Variants in HROB observed in about 807,000 individuals in gnomAD.
HROB encodes the protein homologous recombination factor with OB-fold.
A neutral mutation model predicts 61.0 loss-of-function variants in HROB; 44 were observed. The observed-to-expected ratio is 0.72, with a 90% confidence interval of 0.57 to 0.93. The LOEUF (loss-of-function observed/expected upper bound fraction) is 0.93. HROB is among the 40% of genes least tolerant of loss of function. The probability of loss-of-function intolerance (pLI) is 0.00; values close to 1 mark genes in which losing one functional copy is unlikely to be tolerated. For synonymous variants in HROB, 301 were observed against 310.4 expected, an observed-to-expected ratio of 0.97 and a Z score of 0.32; for missense variants, 716 against 796.2, an observed-to-expected ratio of 0.90 and a Z score of 1.21.
intron 9 of HROB, among the ~76,000 whole-genome samples, chr17:44,160,361 A>C (rs548393197): frequency 6.6e-6 from 1 of 152,236 alleles, no homozygotes; most frequent in East Asian, 1.9e-4. Context: ...AGGTCAGGAG[A>C]TCGAGACCAT....
At chr17:44,160,792 A>C (rs567282602) in intron 9 of HROB, among the ~76,000 whole-genome samples, 1 of 152,226 alleles carries the variant, frequency 6.6e-6, no homozygotes, top group East Asian at 1.9e-4. Flanking sequence ...GTGAAAAAGC[A>C]TATGTCTCTT....
chr17:44,159,703 G>A (rs2054075887), intron 9 of HROB, among the ~76,000 whole-genome samples: 1 of 152,232 alleles, frequency 6.6e-6, no homozygotes, highest in Non-Finnish European at 1.5e-5. Context: ...TCCCTTTGTG[G>A]TAGCTGAAGC....
chr17:44,153,109 C>G (rs1198972684), intron 5 of HROB, among the ~76,000 whole-genome samples: 1 of 152,100 alleles, frequency 6.6e-6, no homozygotes, highest in East Asian at 1.9e-4. Flanking sequence ...CCAACATATC[C>G]CTGCCTGTGA....
chr17:44,157,662 G>A (rs533958454), intron 8 of HROB, among the ~76,000 whole-genome samples, 171 bp from the exon 9 acceptor site: 4 of 152,078 alleles, frequency 2.6e-5, no homozygotes, highest in South Asian at 2.1e-4. Context: ...TGATTCACCC[G>A]CCTCGGCCTC....
intron 7 of HROB, 51 bp downstream of exon 7, chr17:44,154,989 G>A (rs1422740593): frequency 6.3e-7 from 1 of 1,577,390 alleles, no homozygotes; most frequent in Non-Finnish European, 8.6e-7. Context: ...AGCCCTCAGT[G>A]TCTGTCTCCT....
At chr17:44,159,530 A>G (rs754523848) in intron 9 of HROB, among the ~76,000 whole-genome samples, 28 of 152,202 alleles carry the variant, frequency 1.8e-4, no homozygotes, top group Non-Finnish European at 3.1e-4. Flanking sequence ...AGCTGGGCCC[A>G]AGGGGCCACT....
intron 3 of HROB, among the ~76,000 whole-genome samples, chr17:44,150,344 G>C (rs1346051739): frequency 6.6e-6 from 1 of 151,932 alleles, no homozygotes; most frequent in African/African-American, 2.4e-5. Flanking sequence ...CTTGGGGAAA[G>C]CTGCCCCTTT....
At chr17:44,152,591 A>G (rs749713759) in intron 4 of HROB, 46 bp from the exon 5 acceptor site, 68 of 1,600,538 alleles carry the variant, frequency 4.2e-5, no homozygotes, top group Non-Finnish European at 5.5e-5. Context: ...GTCTGTAGCA[A>G]GGTAGACCTA....
intron 4 of HROB, 37 bp from the exon 5 acceptor site, chr17:44,152,600 T>C (rs769033362): frequency 1.2e-6 from 2 of 1,607,522 alleles, no homozygotes; most frequent in South Asian, 2.2e-5. Context: ...AAGGTAGACC[T>C]ATTCATACAG....
At position 44,142,057 on chromosome 17, in the gene HROB, C is replaced by T; in HGVS notation, c.-86C>T. 1.3e-6 allele frequency: 2 copies of T among 1,498,616 alleles called. No individual in the cohort carries two copies. Among genetic ancestry groups the T allele is most frequent in the South Asian group, 1.2e-5 (1 of 83,134 alleles). The allele number at this position is 1,498,616 out of a possible 1,614,324, so 92.8% of individuals were successfully genotyped here. A position where few individuals can be genotyped will look rare whatever the true frequency, so the allele number is the denominator to read the frequency against. ...ACTGTCCCTCGGAGTCCGAGACTTC[C>T]ACCTGGGTCGTGTCCAAGGCCCCGG... On this transcript the variant is annotated 5_prime_UTR_variant, in exon 1 of 10. Coordinates refer to ENST00000585683, the MANE Select transcript of HROB (RefSeq NM_001171251.3).
In HROB at chr17:44,149,009, T is replaced by C; in HGVS notation, c.1206T>C (p.Ala402=). 1 of 1,613,742 alleles carries C rather than the reference T, an allele frequency of 6.2e-7. No homozygotes were observed. The highest frequency in any genetic ancestry group is 1.7e-5 in the Admixed American group (1 of 60,000). The stretch of plus-strand genomic sequence containing the variant: ...AAACTCGCCGTTTCCCTGGCCCAGC[T>C]GGGATCCTGCCTCACCAGGTGAGTG... ...RAKTRRFPGP[A]GILPHQQSGR... Residue 402 remains alanine, a synonymous_variant, in exon 3 of 10, where the codon GCT becomes GCC. Coordinates refer to ENST00000585683, the MANE Select transcript of HROB (RefSeq NM_001171251.3).
At chr17:44,143,014 G>A (rs1237965313) in intron 1 of HROB, among the ~76,000 whole-genome samples, 1 of 152,116 alleles carries the variant, frequency 6.6e-6, no homozygotes, top group Non-Finnish European at 1.5e-5. Context: ...TCCGCTCACT[G>A]CAACCTCCAC....
intron 2 of HROB, among the ~76,000 whole-genome samples, chr17:44,146,346 G>A (rs1199390533): frequency 2.0e-5 from 3 of 152,164 alleles, no homozygotes; most frequent in Non-Finnish European, 2.9e-5. Flanking sequence ...CAGTGGGCCC[G>A]TCCTGATTTT....
rs1250096136 is a variant in HROB at position 44,148,356 on chromosome 17, A to G, written c.553A>G (p.Ile185Val). The change falls in exon 3 of 10, where the codon ATC (isoleucine) becomes GTC (valine). Residue 185 changes from isoleucine to valine, a missense_variant. Coordinates refer to ENST00000585683, the MANE Select transcript of HROB (RefSeq NM_001171251.3). ...TGGAGTCAGCAGTGAGGCCATACCA[A>G]TCCTGCCTGCCCAGCAGCGGGAGGG... ...ECGVSSEAIP[I>V]LPAQQREGSV... 5 of 1,613,910 alleles carry G rather than the reference A, an allele frequency of 3.1e-6. No individual in the cohort carries two copies. Among genetic ancestry groups the G allele is most frequent in the East Asian group, 2.2e-5 (1 of 44,896 alleles).
At chr17:44,145,699 A>G (rs1268554002) in intron 2 of HROB, among the ~76,000 whole-genome samples, 7 of 152,112 alleles carry the variant, frequency 4.6e-5, no homozygotes, top group Non-Finnish European at 1.0e-4. Flanking sequence ...AATATGAGGG[A>G]TGCTCTTCTG....
chr17:44,155,474 T>A, intron 8 of HROB, 63 bp downstream of exon 8: 1 of 1,594,644 alleles, frequency 6.3e-7, no homozygotes, highest in Non-Finnish European at 8.5e-7. Context: ...ATCTTCTGAT[T>A]TCTTCCTCTC....
At chr17:44,149,839 T>C (rs968344033) in intron 3 of HROB, among the ~76,000 whole-genome samples, 3 of 152,194 alleles carry the variant, frequency 2.0e-5, no homozygotes, top group African/African-American at 7.2e-5. Flanking sequence ...CAAACAAACA[T>C]GCACAAAGCA....
rs898096363 is a variant in HROB at position 44,161,772 on chromosome 17, G to T, written c.1880-99G>T. 6 of 1,337,156 alleles carry T rather than the reference G, an allele frequency of 4.5e-6. No individual in the cohort carries two copies. In the African/African-American group the frequency reaches 8.7e-5, roughly 19 times the overall value. The allele number at this position is 1,337,156 out of a possible 1,614,324, so 82.8% of individuals were successfully genotyped here. On this transcript the variant is annotated intron_variant, in intron 9 of 9. Transcript: ENST00000585683. ...GAGGAGCCGCCTGCCCAGCTATACAGCCAGGTCCAGGCCCTCCTGAAGGGC... is the reference window on the plus strand; with the variant it reads ...GAGGAGCCGCCTGCCCAGCTATACATCCAGGTCCAGGCCCTCCTGAAGGGC...
chr17:44,156,671 T>A (rs3859274), intron 8 of HROB, among the ~76,000 whole-genome samples: 75,123 of 150,896 alleles, frequency 0.5, 23,430 homozygotes, highest in African/African-American at 0.87. Context: ...ATTTATTTAT[T>A]TTTTTTTTTT....
Sources: allele counts gnomAD v4.1 joint callset (sites outside exome capture counted in the v4.1 genomes callset), GRCh38; gene constraint gnomAD v4.1.1; transcripts MANE v1.5; gene names NCBI Gene and HGNC (gene_info 2026-07-23, HGNC 2026-07-21).